Variants in DST observed in about 807,000 individuals in gnomAD.
The protein encoded by DST is dystonin.
A neutral mutation model predicts 875.2 loss-of-function variants in DST; 253 were observed. The ratio of observed to expected loss-of-function variants is 0.29; its 90% CI spans 0.26 to 0.32. The LOEUF is 0.32. Among genes scored for constraint, DST ranks in the 10% least tolerant of loss-of-function variants. DST has a pLI of 1.00. For synonymous variants in DST, 3,124 were observed against 3,197.1 expected (o/e 0.98, Z 0.77); for missense variants, 8,287 against 9,111.6 (o/e 0.91, Z 3.68).
intron 4 of DST, among the ~76,000 whole-genome samples, chr6:56,808,232 T>C (rs1055979858): frequency 1.3e-5 from 2 of 152,080 alleles, no homozygotes; most frequent in Non-Finnish European, 2.9e-5. Context: ...TATAGTTTCT[T>C]TTGAAAAACA....
chr6:56,552,015 G>A (rs1253930957), intron 61 of DST, among the ~76,000 whole-genome samples, 169 bp downstream of exon 61: 2 of 152,146 alleles, frequency 1.3e-5, no homozygotes. Flanking sequence ...CAGTGGCCTT[G>A]TAACTGCCCC....
chr6:56,862,773 G>A (rs1011128483), intron 3 of DST, among the ~76,000 whole-genome samples: 2 of 152,096 alleles, frequency 1.3e-5, no homozygotes, highest in Non-Finnish European at 2.9e-5. Flanking sequence ...AACATTTAGA[G>A]ACTGGAAAAA....
Position 56,568,602 on chromosome 6 carries a change from A to T in DST, c.13879-7T>A. The T allele has an allele frequency of 6.3e-7, 1 of 1,584,492 alleles. No individual in the cohort carries two copies. The highest frequency in any genetic ancestry group is 8.6e-7 in the Non-Finnish European group (1 of 1,164,390). ...TCCACTTTTCTTGTAATTTCTTGAG[A>T]TATAAAAACACATTATTTTTCCATC... On this transcript the variant is annotated splice_polypyrimidine_tract_variant and splice_region_variant and intron_variant, in intron 54 of 103. Transcript: ENST00000680361.
chr6:56,858,091 G>A (rs1216728115), intron 3 of DST, among the ~76,000 whole-genome samples: 2 of 152,172 alleles, frequency 1.3e-5, no homozygotes, highest in Non-Finnish European at 2.9e-5. Context: ...TGTGGAAGAG[G>A]GGGTCTAGTG....
intron 21 of DST, 34 bp downstream of exon 21, chr6:56,639,416 A>G: frequency 6.2e-7 from 1 of 1,613,424 alleles, no homozygotes. Flanking sequence ...CCTAAAATGC[A>G]ACCCTAGTAT....
At position 56,606,159 on chromosome 6, in the gene DST, A is replaced by T. The variant is rs2098495253; in HGVS notation, c.8469T>A (p.Asn2823Lys). The T allele has an allele frequency of 6.2e-7, 1 of 1,606,224 alleles. No individual in the cohort carries two copies. Among genetic ancestry groups the T allele is most frequent in the East Asian group, 2.2e-5 (1 of 44,648 alleles). ...DEEGGGIRDE[N>K]GKPRCQNVAE... The stretch of plus-strand genomic sequence containing the variant: ...CCACATTTTGGCACCTGGGCTTTCC[A>T]TTCTCATCTCTTATACCTCCTCCTT... The change falls in exon 40 of 104, where the codon AAT (asparagine) becomes AAA (lysine). Residue 2823 changes from asparagine (N) to lysine (K), a missense_variant. This residue lies in a region of DST where 3,138 missense variants were observed against 3,116.6 expected (regional missense o/e 1.01). Transcript: ENST00000680361.
chr6:56,464,888 G>C (rs886697298), intron 99 of DST, 132 bp from the exon 100 acceptor site: 9 of 669,490 alleles, frequency 1.3e-5, no homozygotes, highest in Non-Finnish European at 2.0e-5. Context: ...AAGAAAAGTT[G>C]CATCAGGAAA....
At chr6:56,570,342 G>A (rs1017992243) in intron 53 of DST, among the ~76,000 whole-genome samples, 6 of 151,988 alleles carry the variant, frequency 3.9e-5, no homozygotes, top group Non-Finnish European at 5.9e-5. Context: ...TATGCAACTC[G>A]CCATAATGTA....
intron 3 of DST, among the ~76,000 whole-genome samples, chr6:56,899,034 A>G (rs1592235350): frequency 6.6e-6 from 1 of 152,100 alleles, no homozygotes; most frequent in Non-Finnish European, 1.5e-5. Context: ...CCTAAACTCT[A>G]CCCCAAACAA....
At chr6:56,589,904 A>G (rs1446711155) in intron 49 of DST, among the ~76,000 whole-genome samples, 1 of 152,268 alleles carries the variant, frequency 6.6e-6, no homozygotes, top group East Asian at 1.9e-4. Context: ...TCATCAGAAT[A>G]TAAGTAGAAG....
chr6:56,954,710 G>C lies in DST; in HGVS notation c.-123C>G, dbSNP rs1286726612. Reference sequence around the variant, plus strand: ...CGCGGCTCAGCGCGTCATGCCTGGCGCTCGCGGCCCCGCGCCCAGCCCAAT... The same window carrying C: ...CGCGGCTCAGCGCGTCATGCCTGGCCCTCGCGGCCCCGCGCCCAGCCCAAT... On this transcript the variant is annotated 5_prime_UTR_variant, in exon 1 of 104. Transcript: ENST00000680361. The C allele has an allele frequency of 1.9e-6, 1 of 520,024 alleles. No homozygotes were observed. Among genetic ancestry groups the C allele is most frequent in the African/African-American group, 2.1e-5 (1 of 47,800 alleles). 32.2% of individuals were successfully genotyped at this position (520,024 alleles called of 1,614,324 possible).
At chr6:56,909,475 T>C (rs1424204336) in intron 2 of DST, among the ~76,000 whole-genome samples, 1 of 152,196 alleles carries the variant, frequency 6.6e-6, no homozygotes, top group African/African-American at 2.4e-5. Context: ...AGTCCCTGAA[T>C]AACTACATGA....
chr6:56,587,328 G>A (rs1005538505), intron 49 of DST, among the ~76,000 whole-genome samples: 5 of 152,134 alleles, frequency 3.3e-5, no homozygotes, highest in African/African-American at 7.2e-5. Context: ...AAGATGAAAC[G>A]AATGAAATGA....
At chr6:56,877,468 A>G (rs376883802) in intron 3 of DST, among the ~76,000 whole-genome samples, 2 of 152,336 alleles carry the variant, frequency 1.3e-5, no homozygotes, top group South Asian at 2.1e-4. Flanking sequence ...AGGCAGGAGA[A>G]TCACTTGAAC....
chr6:56,640,740 C>T, intron 17 of DST, 135 bp from the exon 18 acceptor site: 1 of 731,708 alleles, frequency 1.4e-6, no homozygotes, highest in South Asian at 1.6e-5. Context: ...AAATGTGCCA[C>T]ACTAATGCAA....
chr6:56,783,445 T>C (rs1036545402), intron 4 of DST, among the ~76,000 whole-genome samples: 14 of 152,280 alleles, frequency 9.2e-5, no homozygotes, highest in African/African-American at 3.1e-4. Flanking sequence ...TAGTTAGCTC[T>C]TCTTGTTGAA....
rs755120641 is a variant in DST at position 56,536,954 on chromosome 6, A to G, written c.16609-14T>C. 14 of 1,611,756 alleles carry G rather than the reference A, an allele frequency of 8.7e-6. 1 individual carries two copies. In the South Asian group the frequency reaches 1.4e-4, roughly 16 times the overall value. ...TTTCTGGAATACCTGCAGTTAAAAGAGTAATAATTATATGAGTTATATTAC... is the reference window on the plus strand; with the variant it reads ...TTTCTGGAATACCTGCAGTTAAAAGGGTAATAATTATATGAGTTATATTAC... On this transcript the variant is annotated splice_polypyrimidine_tract_variant and intron_variant, in intron 61 of 103. Coordinates refer to ENST00000680361, the MANE Select transcript of DST (RefSeq NM_001374736.1).
chr6:56,691,917 C>T (rs191736053), intron 9 of DST, among the ~76,000 whole-genome samples: 169 of 152,268 alleles, frequency 1.1e-3, no homozygotes, highest in African/African-American at 4.0e-3. Context: ...AACAGAGAAC[C>T]AGAATCTGGC....
intron 55 of DST, 45 bp from the exon 56 acceptor site, chr6:56,562,245 T>C: frequency 3.0e-6 from 4 of 1,353,480 alleles, no homozygotes; most frequent in Non-Finnish European, 4.0e-6. Flanking sequence ...TCATAGTATT[T>C]CTATACATTA....
Sources: allele counts gnomAD v4.1 joint callset (sites outside exome capture counted in the v4.1 genomes callset), GRCh38; gene constraint gnomAD v4.1.1; regional missense constraint gnomAD v4.1.1; transcripts MANE v1.5; gene names NCBI Gene and HGNC (gene_info 2026-07-23, HGNC 2026-07-21).